The following PDE12 variants were observed in gnomAD, a reference collection of about 807,000 sequenced individuals.
The protein encoded by PDE12 is phosphodiesterase 12, also known as 2',5'-phosphodiesterase 12.
In PDE12, 26 loss-of-function variants were observed where a neutral mutation model predicts 45.4. That is an observed-to-expected ratio of 0.57 (90% CI 0.42 to 0.79). The LOEUF is 0.79. Ranked by LOEUF, PDE12 falls within the 30% of genes least tolerant of loss-of-function variation. PDE12 has a pLI of 0.00. For missense variants in PDE12, 668 were observed against 790.0 expected (o/e 0.85, Z 1.85); for synonymous variants, 283 against 323.9 (o/e 0.87, Z 1.36).
At chr3:57,569,417 G>A (rs2069814493), downstream of PDE12, among the ~76,000 whole-genome samples, 1 of 152,048 alleles carries the variant, frequency 6.6e-6, no homozygotes, top group Non-Finnish European at 1.5e-5. Flanking sequence ...CAATGGTGCG[G>A]TCTTGGCTCA....
In PDE12 at chr3:57,556,609, G is replaced by A; in HGVS notation, c.230G>A (p.Arg77His). 1 of 1,611,894 alleles carries A rather than the reference G, an allele frequency of 6.2e-7. No homozygotes were observed. The highest frequency in any genetic ancestry group is 8.5e-7 in the Non-Finnish European group (1 of 1,178,902). Residue 77 changes from arginine (R) to histidine (H), a missense_variant, in exon 1 of 3, where the codon CGC (arginine) becomes CAC (histidine). Physicochemically the swap from Arg to His is conservative, Grantham distance 29. Transcript: ENST00000311180. This position sits in a 1 kb window ranked among gnomAD's most constrained non-coding sequence, Gnocchi z 5.0. Reference protein sequence around the residue: ...QSEPLGRVLSRIATNALKGHA... With the variant: ...QSEPLGRVLSHIATNALKGHA... The stretch of plus-strand genomic sequence containing the variant: ...GAGCCGCTGGGTCGAGTCCTCAGCC[G>A]CATCGCTACCAATGCCCTAAAGGGT...
chr3:57,630,305 T>G, the PDE12 span: 1 of 867,794 alleles, frequency 1.2e-6, no homozygotes. Flanking sequence ...CTAGAAAAGT[T>G]AGTCATCATT....
At chr3:57,577,874 C>T in the PDE12 span, among the ~76,000 whole-genome samples, 6 of 151,832 alleles carry the variant, frequency 4.0e-5, no homozygotes, top group East Asian at 1.2e-3. Context: ...GGCAACATGG[C>T]GAAAGGTCAT....
chr3:57,560,415 C>T lies in PDE12; in HGVS notation c.*411C>T. The T allele has an allele frequency of 3.3e-6, 2 of 614,622 alleles. No homozygotes were observed. The highest frequency in any genetic ancestry group is 4.1e-6 in the Non-Finnish European group (2 of 487,236). 38.1% of individuals were successfully genotyped at this position (614,622 alleles called of 1,614,324 possible). Reference sequence around the variant, plus strand: ...ATCTCGGCTCACTGCAACCTCCGCCCCCTGGGTTTAAGCGATTCTCCTGCC... The same window carrying T: ...ATCTCGGCTCACTGCAACCTCCGCCTCCTGGGTTTAAGCGATTCTCCTGCC... On this transcript the variant is annotated 3_prime_UTR_variant, in exon 3 of 3. Coordinates refer to ENST00000311180, the MANE Select transcript of PDE12 (RefSeq NM_177966.7).
At chr3:57,581,640 A>G in the PDE12 span, among the ~76,000 whole-genome samples, 1 of 152,294 alleles carries the variant, frequency 6.6e-6, no homozygotes, top group East Asian at 1.9e-4. Flanking sequence ...GTCTCTACTA[A>G]AAATACAAAA....
chr3:57,649,680 T>C, the PDE12 span, among the ~76,000 whole-genome samples: 2 of 148,102 alleles, frequency 1.4e-5, no homozygotes, highest in Non-Finnish European at 3.0e-5. Context: ...ATATATATAT[T>C]TGTCCCCCAT....
At chr3:57,613,832 T>C in the PDE12 span, among the ~76,000 whole-genome samples, 3 of 127,304 alleles carry the variant, frequency 2.4e-5, no homozygotes, top group African/African-American at 9.3e-5. Flanking sequence ...ACCTGGGAGG[T>C]GGAGCTTGCA....
At chr3:57,616,881 A>T in the PDE12 span, among the ~76,000 whole-genome samples, 1 of 151,942 alleles carries the variant, frequency 6.6e-6, no homozygotes, top group South Asian at 2.1e-4. Flanking sequence ...AAAATTAGCT[A>T]GGCATGGTGG....
chr3:57,653,732 C>T, the PDE12 span, among the ~76,000 whole-genome samples: 95 of 129,400 alleles, frequency 7.3e-4, no homozygotes, highest in African/African-American at 2.5e-3. Flanking sequence ...GGCGACAGAG[C>T]GAGACTCCAT....
the PDE12 span, among the ~76,000 whole-genome samples, chr3:57,608,001 C>A: frequency 6.6e-6 from 1 of 152,256 alleles, no homozygotes; most frequent in East Asian, 1.9e-4. Flanking sequence ...GGTCGGGTTA[C>A]TCACAAAGGG....
the PDE12 span, chr3:57,628,779 C>A: frequency 6.3e-7 from 1 of 1,596,296 alleles, no homozygotes; most frequent in South Asian, 1.1e-5. Context: ...AAAGAAAAGT[C>A]AATTTAATCT....
At chr3:57,587,533 C>G in the PDE12 span, among the ~76,000 whole-genome samples, 1 of 151,004 alleles carries the variant, frequency 6.6e-6, no homozygotes, top group Non-Finnish European at 1.5e-5. Flanking sequence ...TTTTTTTTTA[C>G]CCAAAAATCA....
At chr3:57,572,574 A>AT in the PDE12 span, among the ~76,000 whole-genome samples, 1 of 152,118 alleles carries the variant, frequency 6.6e-6, no homozygotes, top group Non-Finnish European at 1.5e-5. Flanking sequence ...AGATTAAATT[A>AT]TTTTTTAAAA....
At chr3:57,569,633 G>A (rs1180650329), downstream of PDE12, among the ~76,000 whole-genome samples, 1 of 151,966 alleles carries the variant, frequency 6.6e-6, no homozygotes, top group Non-Finnish European at 1.5e-5. Context: ...CAGGATTACA[G>A]ATGTGAGCCA....
the PDE12 span, among the ~76,000 whole-genome samples, chr3:57,624,812 AGAG>A: frequency 6.6e-6 from 1 of 152,178 alleles, no homozygotes. Context: ...TTAAAAAAGA[AGAG>A]GAAGAAGTAA....
the PDE12 span, among the ~76,000 whole-genome samples, chr3:57,631,716 CTTTT>C: frequency 4.3e-5 from 4 of 92,006 alleles, no homozygotes; most frequent in South Asian, 1.5e-3. Flanking sequence ...TCTCTGCTCT[CTTTT>C]TTTTTTTTTT....
chr3:57,633,285 GTGTC>G, the PDE12 span: 1 of 1,613,468 alleles, frequency 6.2e-7, no homozygotes, highest in South Asian at 1.1e-5. Context: ...ATGAAACTTT[GTGTC>G]AGTTCCAAAA....
At chr3:57,584,938 A>C in the PDE12 span, among the ~76,000 whole-genome samples, 60 of 152,166 alleles carry the variant, frequency 3.9e-4, no homozygotes, top group Admixed American at 3.3e-3. Context: ...ATCTCAGCTC[A>C]CTGTAACCTC....
the PDE12 span, among the ~76,000 whole-genome samples, chr3:57,645,275 A>AATG: frequency 9.2e-5 from 14 of 152,054 alleles, no homozygotes; most frequent in Admixed American, 3.3e-4. Flanking sequence ...AGCCTGATCA[A>AATG]CATGGTGAAA....
Sources: gnomAD v4.1 joint callset for allele counts (sites outside exome capture counted in the v4.1 genomes callset) on GRCh38, gnomAD v4.1.1 for gene constraint, Gnocchi (gnomAD v3.1) non-coding constraint, MANE v1.5 for transcripts, NCBI Gene and HGNC (gene_info 2026-07-23, HGNC 2026-07-21) for gene names.